The following TTC17 variants were observed in gnomAD, a reference collection of about 807,000 sequenced individuals.
TTC17 encodes tetratricopeptide repeat domain 17, also known as tetratricopeptide repeat protein 17.
In TTC17, 58 loss-of-function variants were observed where a neutral mutation model predicts 143.8. The ratio of observed to expected loss-of-function variants is 0.40; its 90% CI spans 0.33 to 0.50. The LOEUF (loss-of-function observed/expected upper bound fraction) is 0.50. TTC17 is among the 20% of genes least tolerant of loss of function. TTC17 has a pLI of 0.49. For missense variants in TTC17, 1,273 were observed against 1,392.5 expected (o/e 0.91, Z 1.37); for synonymous variants, 501 against 497.8 (o/e 1.01, Z -0.09).
chr11:43,410,564 T>G (rs1858363435), intron 15 of TTC17, among the ~76,000 whole-genome samples: 1 of 152,220 alleles, frequency 6.6e-6, no homozygotes, highest in Non-Finnish European at 1.5e-5. Flanking sequence ...AGTTCATATT[T>G]ACACGGATAT....
At chr11:43,446,645 C>G (rs1043875912) in intron 18 of TTC17, 2 of 984,528 alleles carry the variant, frequency 2.0e-6, no homozygotes, top group East Asian at 2.3e-4. Context: ...AAATCTCAAT[C>G]TAAACCCCTG....
At chr11:43,405,487 TTA>T in intron 11 of TTC17, 25 bp from the exon 12 acceptor site, 1 of 1,558,948 alleles carries the variant, frequency 6.4e-7, no homozygotes, top group Non-Finnish European at 8.8e-7. Flanking sequence ...CCAAAGAAAT[TTA>T]TGAGAAATTT....
intron 3 of TTC17, 80 bp from the exon 4 acceptor site, chr11:43,391,385 T>G: frequency 2.9e-5 from 28 of 961,878 alleles, no homozygotes; most frequent in South Asian, 4.3e-5. Context: ...GGCAACAGAA[T>G]GAGACCCTTT....
Position 43,494,029 on chromosome 11 carries a change from G to T in TTC17, c.*125G>T, listed in dbSNP as rs1308652886. The T allele has an allele frequency of 3.8e-5, 50 of 1,314,662 alleles. No individual in the cohort carries two copies. Among genetic ancestry groups the T allele is most frequent in the Non-Finnish European group, 4.8e-5 (47 of 988,974 alleles). The allele number at this position is 1,314,662 out of a possible 1,614,324, so 81.4% of individuals were successfully genotyped here. On this transcript the variant is annotated 3_prime_UTR_variant, in exon 24 of 24. Transcript: ENST00000039989. ...TGAAAATAACTAAGACTTATAACAG[G>T]ACTTTTACATATGTGGGAATTGGTT...
intron 21 of TTC17, among the ~76,000 whole-genome samples, chr11:43,471,336 A>C (rs898612340): frequency 5.3e-5 from 8 of 152,360 alleles, no homozygotes; most frequent in African/African-American, 1.7e-4. Flanking sequence ...CAGGCAGCTC[A>C]GCTTGGTCAG....
intron 10 of TTC17, 88 bp downstream of exon 10, chr11:43,401,646 A>G (rs1322654505): frequency 1.0e-5 from 9 of 884,536 alleles, no homozygotes; most frequent in East Asian, 8.2e-5. Flanking sequence ...GATTCTTTGT[A>G]TATTTGATCC....
At chr11:43,382,107 A>G (rs1018719218) in intron 2 of TTC17, among the ~76,000 whole-genome samples, 7 of 152,230 alleles carry the variant, frequency 4.6e-5, no homozygotes, top group Non-Finnish European at 7.3e-5. Context: ...AGTGACAACT[A>G]TATGAACATC....
intron 1 of TTC17, among the ~76,000 whole-genome samples, chr11:43,369,869 G>A (rs1029778136): frequency 6.6e-6 from 1 of 151,972 alleles, no homozygotes; most frequent in Non-Finnish European, 1.5e-5. Flanking sequence ...TCCCGCCTTG[G>A]CCTCCCAAAG....
intron 16 of TTC17, among the ~76,000 whole-genome samples, chr11:43,417,663 C>T (rs1946807935): frequency 6.6e-6 from 1 of 152,068 alleles, no homozygotes; most frequent in Non-Finnish European, 1.5e-5. Context: ...TGGTGAAACC[C>T]CATCTCTACT....
At chr11:43,411,631 A>C (rs1858417831) in intron 15 of TTC17, among the ~76,000 whole-genome samples, 1 of 152,218 alleles carries the variant, frequency 6.6e-6, no homozygotes, top group Non-Finnish European at 1.5e-5. Context: ...TCAAGGGATG[A>C]AGTTCAACTT....
At position 43,455,886 on chromosome 11, in the gene TTC17, G is replaced by GA. The variant is rs574778788; in HGVS notation, c.3030+4628dup. On this transcript the variant is annotated intron_variant, in intron 21 of 23. Transcript: ENST00000039989. ...AAACATATCATTGTTCCCCAAATCT[G>GA]AAAAAAATGACACCAAAAAATAAAA... Among the ~76,000 whole-genome samples, 138 of 151,872 alleles carry GA rather than the reference G, an allele frequency of 9.1e-4. 1 individual carries two copies. The East Asian group carries it at 0.013, about 14-fold the overall frequency.
chr11:43,412,926 T>G lies in TTC17; in HGVS notation c.2065-1664T>G, dbSNP rs374593274. ...CAAACACCTAGTAATTGCATATATG[T>G]GTTTGTGTATTGATAAGTTGATTCT... On this transcript the variant is annotated intron_variant, in intron 15 of 23. Transcript: ENST00000039989. Among the ~76,000 whole-genome samples, 515 of 152,136 alleles carry G rather than the reference T, an allele frequency of 3.4e-3. 2 individuals carry two copies. Among genetic ancestry groups the G allele is most frequent in the African/African-American group, 0.011 (477 of 41,506 alleles).
chr11:43,392,046 T>A, intron 5 of TTC17, 94 bp downstream of exon 5: 2 of 1,432,762 alleles, frequency 1.4e-6, no homozygotes, highest in Non-Finnish European at 1.9e-6. Context: ...CCTGACTAAT[T>A]TGTTTTTATC....
intron 18 of TTC17, chr11:43,446,274 C>A: frequency 1.2e-6 from 1 of 833,594 alleles, no homozygotes; most frequent in Non-Finnish European, 1.6e-6. Flanking sequence ...ACTTCAAAAT[C>A]AAGTGCCATC....
chr11:43,400,159 C>A (rs1318378806), intron 9 of TTC17, 111 bp downstream of exon 9: 2 of 1,205,976 alleles, frequency 1.7e-6, no homozygotes, highest in African/African-American at 1.6e-5. Flanking sequence ...GTGTTTATGA[C>A]TTCCCTACAT....
At chr11:43,374,512 A>C (rs1313531596) in intron 1 of TTC17, among the ~76,000 whole-genome samples, 1 of 152,086 alleles carries the variant, frequency 6.6e-6, no homozygotes, top group African/African-American at 2.4e-5. Flanking sequence ...TTCTCAAACT[A>C]TGCATCCAAC....
intron 21 of TTC17, among the ~76,000 whole-genome samples, chr11:43,469,575 TCA>T (rs1948050060): frequency 6.6e-6 from 1 of 152,136 alleles, no homozygotes; most frequent in African/African-American, 2.4e-5. Flanking sequence ...AATATTATTC[TCA>T]CAAAAGAAGT....
At chr11:43,462,089 T>TAAA (rs35082706) in intron 21 of TTC17, among the ~76,000 whole-genome samples, 13 of 124,822 alleles carry the variant, frequency 1.0e-4, no homozygotes, top group African/African-American at 3.2e-4. Context: ...TAGGCTAGAT[T>TAAA]AAAAAAAAAA....
intron 1 of TTC17, among the ~76,000 whole-genome samples, chr11:43,371,071 C>T (rs1357671336): frequency 6.6e-6 from 1 of 151,988 alleles, no homozygotes; most frequent in East Asian, 1.9e-4. Flanking sequence ...CTTTGTCCTC[C>T]CAAAGTGCTA....
Sources: gnomAD v4.1 joint callset for allele counts (sites outside exome capture counted in the v4.1 genomes callset) on GRCh38, gnomAD v4.1.1 for gene constraint, MANE v1.5 for transcripts, NCBI Gene and HGNC (gene_info 2026-07-23, HGNC 2026-07-21) for gene names.